Variants in ANO1 observed in about 807,000 individuals in gnomAD.
ANO1 encodes anoctamin-1.
A neutral mutation model predicts 124.0 loss-of-function variants in ANO1; 59 were observed. The ratio of observed to expected loss-of-function variants is 0.48; its 90% CI spans 0.39 to 0.59. The LOEUF is 0.59. Ranked by LOEUF, ANO1 falls within the 20% of genes least tolerant of loss-of-function variation. The pLI is 0.00. For missense variants in ANO1, 1,059 were observed against 1,328.0 expected, an observed-to-expected ratio of 0.80 and a Z score of 3.15; for synonymous variants, 529 against 532.0, an observed-to-expected ratio of 0.99 and a Z score of 0.08.
chr11:69,984,500 T>G (rs1297618011), upstream of ANO1, among the ~76,000 whole-genome samples: 2 of 116,698 alleles, frequency 1.7e-5, no homozygotes, highest in African/African-American at 6.7e-5. Context: ...CCTTTTACAG[T>G]ACAGCGCTGA....
chr11:70,077,386 T>C (rs1591079786), upstream of ANO1, among the ~76,000 whole-genome samples: 2 of 152,164 alleles, frequency 1.3e-5, no homozygotes. Context: ...GAAGAACTCA[T>C]AGGATGTGAG....
intron 12 of ANO1, chr11:70,150,029 A>G: frequency 1.6e-6 from 1 of 616,240 alleles, no homozygotes; most frequent in Non-Finnish European, 3.0e-6. Context: ...TTTCATCCCC[A>G]TGCTCACATG....
chr11:70,148,044 T>C (rs1278091263), intron 11 of ANO1, among the ~76,000 whole-genome samples: 1 of 152,186 alleles, frequency 6.6e-6, no homozygotes, highest in Non-Finnish European at 1.5e-5. Flanking sequence ...GGAAGCCCTA[T>C]TCGCACCTCG....
Position 70,149,541 on chromosome 11 carries a change from C to T in ANO1, c.1259-169C>T, listed in dbSNP as rs994946219. On this transcript the variant is annotated intron_variant, in intron 11 of 25. Transcript: ENST00000355303. ...TGGCGCATGCCTGTAATCCCAGCTA[C>T]TCGGGAGGCTGAGGAAGGAGAATCG... is the stretch of plus-strand genomic sequence containing the variant. 1.7e-4 allele frequency: 103 copies of T among 623,710 alleles called. 1 individual carries two copies. The Admixed American group carries it at 2.9e-3, about 17-fold the overall frequency. 38.6% of individuals were successfully genotyped at this position (623,710 alleles called of 1,614,324 possible).
intron 1 of ANO1, among the ~76,000 whole-genome samples, chr11:70,019,352 G>A (rs11236778): frequency 3.3e-5 from 5 of 149,586 alleles, no homozygotes; most frequent in East Asian, 2.0e-4. Context: ...ATGCACACAC[G>A]CATGCAAACA....
At chr11:70,141,126 T>C (rs1194058927) in intron 11 of ANO1, among the ~76,000 whole-genome samples, 1 of 152,112 alleles carries the variant, frequency 6.6e-6, no homozygotes, top group Non-Finnish European at 1.5e-5. Flanking sequence ...GTCCAAACGT[T>C]CCCTCATGCA....
chr11:70,159,202 A>G (rs2047945980), intron 16 of ANO1, among the ~76,000 whole-genome samples: 1 of 152,092 alleles, frequency 6.6e-6, no homozygotes, highest in Non-Finnish European at 1.5e-5. Context: ...CACCTCCAGC[A>G]TCACTTCCAC....
At chr11:70,143,888 G>A (rs1459010859) in intron 11 of ANO1, among the ~76,000 whole-genome samples, 4 of 152,064 alleles carry the variant, frequency 2.6e-5, no homozygotes, top group Non-Finnish European at 5.9e-5. Context: ...CAATTCAGTG[G>A]CATTTAGCAC....
Position 70,131,960 on chromosome 11 carries a change from C to T in ANO1, c.1139C>T (p.Pro380Leu), listed in dbSNP as rs1565232740. 6.2e-7 allele frequency: 1 copy of T among 1,609,892 alleles called. No individual in the cohort carries two copies. The highest frequency in any genetic ancestry group is 8.5e-7 in the Non-Finnish European group (1 of 1,179,740). Residue 380 changes from proline (P) to leucine (L), a missense_variant, in exon 11 of 26, where the codon CCG becomes CTG. Pro to Leu is a moderately conservative substitution (Grantham distance 98). Around this residue, in one of 2 missense-constraint regions of ANO1, gnomAD observed 809 missense variants for 1,094.9 expected, o/e 0.74. Coordinates refer to ENST00000355303, the MANE Select transcript of ANO1 (RefSeq NM_018043.7). ...CDQRHNITMC[P>L]LCDKTCSYWK... ...CAGAGACACAATATCACCATGTGCC[C>T]GCTTTGCGACAAGACCTGCAGCTAC...
chr11:70,039,981 C>A (rs571366154), intron 1 of ANO1, among the ~76,000 whole-genome samples: 1 of 152,192 alleles, frequency 6.6e-6, no homozygotes, highest in South Asian at 2.1e-4. Context: ...AGTAGCAGAG[C>A]AAATCGATCA....
intron 11 of ANO1, among the ~76,000 whole-genome samples, chr11:70,136,135 A>G (rs1003497538): frequency 1.3e-5 from 2 of 152,220 alleles, no homozygotes; most frequent in Admixed American, 6.5e-5. Context: ...CTGGTCCCTC[A>G]TGCGTTGGGC....
At chr11:70,009,261 C>T (rs1856547576) in intron 1 of ANO1, among the ~76,000 whole-genome samples, 1 of 152,164 alleles carries the variant, frequency 6.6e-6, no homozygotes, top group African/African-American at 2.4e-5. Context: ...AGATCAGGGA[C>T]AGTCTACGAA....
chr11:70,032,536 G>GC (rs137963273), intron 1 of ANO1, among the ~76,000 whole-genome samples: 10 of 74,656 alleles, frequency 1.3e-4, no homozygotes, highest in Non-Finnish European at 2.5e-4. Context: ...AGGCGGGAGA[G>GC]GGGGGGGGTC....
intron 2 of ANO1, among the ~76,000 whole-genome samples, chr11:70,096,022 T>A (rs2044940012): frequency 6.6e-6 from 1 of 152,228 alleles, no homozygotes; most frequent in Non-Finnish European, 1.5e-5. Flanking sequence ...AGCTCATCCT[T>A]TGCTAATCCC....
chr11:70,037,271 G>A (rs1857110770), intron 1 of ANO1, among the ~76,000 whole-genome samples: 3 of 152,118 alleles, frequency 2.0e-5, no homozygotes, highest in Admixed American at 6.5e-5. Context: ...ACTCAGTGGA[G>A]CAGGGCAGGT....
chr11:70,097,524 G>A (rs1406013845), intron 2 of ANO1, among the ~76,000 whole-genome samples: 1 of 152,208 alleles, frequency 6.6e-6, no homozygotes, highest in Non-Finnish European at 1.5e-5. Flanking sequence ...TCTTGCCCGC[G>A]TGCCCTCTGG....
Position 70,104,066 on chromosome 11 carries a change from A to G in ANO1, c.608A>G (p.Asp203Gly), listed in dbSNP as rs2045389866. 2 of 1,612,854 alleles carry G rather than the reference A, an allele frequency of 1.2e-6. No individual in the cohort carries two copies. The highest frequency in any genetic ancestry group is 2.7e-5 in the African/African-American group (2 of 75,016). The part of the protein sequence containing the change: ...KINSVLQKIT[D>G]PIQPKVAEHR... ...AACTCTGTGCTCCAGAAAATCACAG[A>G]TCCCATCCAGCCCAAAGTGGCTGAG... The change falls in exon 4 of 26, where the codon GAT (aspartate) becomes GGT (glycine). Residue 203 changes from aspartate to glycine, a missense_variant. Physicochemically the swap from Asp to Gly is moderately conservative, Grantham distance 94 (BLOSUM62 -1). Around this residue, in one of 2 missense-constraint regions of ANO1, gnomAD observed 809 missense variants for 1,094.9 expected, o/e 0.74. Transcript: ENST00000355303.
intron 1 of ANO1, among the ~76,000 whole-genome samples, chr11:70,063,025 G>A (rs1857628678): frequency 6.6e-6 from 1 of 152,086 alleles, no homozygotes; most frequent in African/African-American, 2.4e-5. Flanking sequence ...TGCCTCCCGG[G>A]TTCAAGCGAT....
intron 1 of ANO1, chr11:70,085,596 C>A (rs2044341217): frequency 3.3e-6 from 5 of 1,535,644 alleles, no homozygotes; most frequent in Admixed American, 2.0e-5. Flanking sequence ...GGCCAAGGTG[C>A]CAGGGACATG....
Sources: allele counts gnomAD v4.1 joint callset (sites outside exome capture counted in the v4.1 genomes callset), GRCh38; gene constraint gnomAD v4.1.1; regional missense constraint gnomAD v4.1.1; transcripts MANE v1.5; gene names NCBI Gene and HGNC (gene_info 2026-07-23, HGNC 2026-07-21).